RAP1GDS1: variants seen among roughly 807,000 people sequenced by gnomAD.
RAP1GDS1 encodes RAP1, GTP-GDP dissociation stimulator 1.
Under a neutral mutation model 71.1 loss-of-function variants are expected in RAP1GDS1, and 35 were observed. That is an observed-to-expected ratio of 0.49 (90% CI 0.38 to 0.65). The LOEUF (loss-of-function observed/expected upper bound fraction) is 0.65, where lower values mean the gene tolerates loss of function less well. RAP1GDS1 is among the 30% of genes least tolerant of loss of function. RAP1GDS1 has a pLI of 0.00. For missense variants in RAP1GDS1, 663 were observed against 706.1 expected (o/e 0.94, Z 0.69); for synonymous variants, 229 against 243.1 (o/e 0.94, Z 0.54).
In RAP1GDS1 at chr4:98,421,193, C is replaced by T. The variant is rs142984789; in HGVS notation, c.1301-62C>T. ...CGTCCTTCACACTCTCAAATCTGTA[C>T]GAATTATTTCAACTGATTGTCTGTT... On this transcript the variant is annotated intron_variant, in intron 11 of 14. Transcript: ENST00000408927. 6.8e-6 allele frequency: 10 copies of T among 1,460,826 alleles called. No individual in the cohort carries two copies. In the East Asian group the frequency reaches 9.3e-5, roughly 14 times the overall value. The allele number at this position is 1,460,826 out of a possible 1,614,324, so 90.5% of individuals were successfully genotyped here.
intron 1 of RAP1GDS1, among the ~76,000 whole-genome samples, chr4:98,269,480 C>A (rs987865375): frequency 5.9e-5 from 9 of 151,966 alleles, no homozygotes; most frequent in African/African-American, 2.2e-4. Flanking sequence ...AATGGGACTT[C>A]ATCAAATTAA....
chr4:98,434,459 A>G (rs1750875179), intron 13 of RAP1GDS1, among the ~76,000 whole-genome samples: 1 of 151,730 alleles, frequency 6.6e-6, no homozygotes. Context: ...TCTACTACCG[A>G]TTCTTTCTTG....
chr4:98,371,248 G>A (rs1323309509), intron 4 of RAP1GDS1, among the ~76,000 whole-genome samples: 1 of 151,666 alleles, frequency 6.6e-6, no homozygotes, highest in African/African-American at 2.4e-5. Context: ...GAGTAGCTAG[G>A]ATTACAGGCG....
At chr4:98,273,853 C>A (rs952218200) in intron 1 of RAP1GDS1, among the ~76,000 whole-genome samples, 3 of 152,088 alleles carry the variant, frequency 2.0e-5, no homozygotes, top group African/African-American at 7.2e-5. Flanking sequence ...TAACCACTTC[C>A]AATTTAAGGT....
chr4:98,329,809 A>AT (rs1049691160), intron 2 of RAP1GDS1, among the ~76,000 whole-genome samples: 34 of 150,484 alleles, frequency 2.3e-4, no homozygotes, highest in South Asian at 1.5e-3. Flanking sequence ...AAAAAAAAAA[A>AT]AAGTGCCCAT....
chr4:98,440,748 G>A (rs1475682953), intron 14 of RAP1GDS1, among the ~76,000 whole-genome samples: 5 of 152,026 alleles, frequency 3.3e-5, no homozygotes, highest in Non-Finnish European at 5.9e-5. Flanking sequence ...ACGGAGTTTC[G>A]CACTTGTTGC....
chr4:98,346,475 T>C (rs1423000085), intron 3 of RAP1GDS1, among the ~76,000 whole-genome samples: 1 of 152,130 alleles, frequency 6.6e-6, no homozygotes, highest in Non-Finnish European at 1.5e-5. Context: ...AAAAATGCAC[T>C]ATATTGTCAG....
At chr4:98,278,627 T>C (rs2110245900) in intron 1 of RAP1GDS1, among the ~76,000 whole-genome samples, 1 of 152,298 alleles carries the variant, frequency 6.6e-6, no homozygotes, top group African/African-American at 2.4e-5. Flanking sequence ...GTGTATAGCC[T>C]TCAGCAAGTT....
At chr4:98,308,765 A>C (rs573572224) in intron 2 of RAP1GDS1, among the ~76,000 whole-genome samples, 1 of 152,276 alleles carries the variant, frequency 6.6e-6, no homozygotes, top group South Asian at 2.1e-4. Flanking sequence ...AATGAGAATT[A>C]GTATGTAAAG....
At chr4:98,286,682 C>T (rs1726077082) in intron 1 of RAP1GDS1, among the ~76,000 whole-genome samples, 1 of 151,782 alleles carries the variant, frequency 6.6e-6, no homozygotes, top group African/African-American at 2.4e-5. Flanking sequence ...GTCAGGAGTT[C>T]AAGACCAGCC....
intron 12 of RAP1GDS1, among the ~76,000 whole-genome samples, chr4:98,422,449 C>T (rs964302938): frequency 6.6e-6 from 1 of 152,048 alleles, no homozygotes; most frequent in African/African-American, 2.4e-5. Context: ...AACTCCTGAC[C>T]TCATGATCCT....
intron 2 of RAP1GDS1, among the ~76,000 whole-genome samples, chr4:98,324,105 A>G (rs1372133217): frequency 6.6e-6 from 1 of 150,634 alleles, no homozygotes; most frequent in African/African-American, 2.5e-5. Flanking sequence ...CAAAAATCAC[A>G]AGCATTCTTA....
At chr4:98,367,515 T>C (rs1739679524) in intron 4 of RAP1GDS1, among the ~76,000 whole-genome samples, 1 of 152,102 alleles carries the variant, frequency 6.6e-6, no homozygotes, top group Non-Finnish European at 1.5e-5. Flanking sequence ...GGACGGTAGA[T>C]CCATCAACAG....
intron 2 of RAP1GDS1, among the ~76,000 whole-genome samples, chr4:98,339,178 A>G (rs187592464): frequency 4.7e-4 from 71 of 152,254 alleles, no homozygotes; most frequent in African/African-American, 1.3e-3. Flanking sequence ...TGGCAGTGTC[A>G]TAACTAAGCT....
At chr4:98,370,715 C>T (rs375084603) in intron 4 of RAP1GDS1, among the ~76,000 whole-genome samples, 2 of 151,958 alleles carry the variant, frequency 1.3e-5, no homozygotes, top group African/African-American at 4.8e-5. Context: ...GGACTACAGG[C>T]GCGTGCCAAC....
At chr4:98,374,880 T>C (rs1471516767) in intron 4 of RAP1GDS1, among the ~76,000 whole-genome samples, 1 of 152,152 alleles carries the variant, frequency 6.6e-6, no homozygotes, top group Non-Finnish European at 1.5e-5. Context: ...AGTGGTAAAT[T>C]GTTGTTAACA....
chr4:98,350,731 G>A (rs965506536), intron 3 of RAP1GDS1, among the ~76,000 whole-genome samples: 9 of 152,068 alleles, frequency 5.9e-5, no homozygotes, highest in African/African-American at 1.9e-4. Context: ...CCAGCTACTC[G>A]GGAGGCTGAG....
At position 98,293,467 on chromosome 4, in the gene RAP1GDS1, A is replaced by G; in HGVS notation, c.64A>G (p.Ser22Gly). Reference sequence around the variant, plus strand: ...AACAGCTGTTGACAAGACTGAGGATAGTTTAGAAGGATGCTTGGATTGTCT... The same window carrying G: ...AACAGCTGTTGACAAGACTGAGGATGGTTTAGAAGGATGCTTGGATTGTCT... ...KITAVDKTED[S>G]LEGCLDCLLQ... Residue 22 changes from serine to glycine, a missense_variant, in exon 2 of 15, where the codon AGT (serine) becomes GGT (glycine). Physicochemically the swap from Ser to Gly is moderately conservative, Grantham distance 56. Coordinates refer to ENST00000408927, the MANE Select transcript of RAP1GDS1 (RefSeq NM_001100427.2). The G allele has an allele frequency of 6.2e-7, 1 of 1,610,576 alleles. No individual in the cohort carries two copies. Among genetic ancestry groups the G allele is most frequent in the Non-Finnish European group, 8.5e-7 (1 of 1,178,798 alleles).
intron 4 of RAP1GDS1, among the ~76,000 whole-genome samples, chr4:98,365,906 A>G (rs1199768933): frequency 2.0e-5 from 3 of 152,206 alleles, no homozygotes; most frequent in Non-Finnish European, 1.5e-5. Context: ...TATCATGTCC[A>G]TGAGCAGCCA....
Sources: gnomAD v4.1 joint callset for allele counts (sites outside exome capture counted in the v4.1 genomes callset) on GRCh38, gnomAD v4.1.1 for gene constraint, MANE v1.5 for transcripts, NCBI Gene and HGNC (gene_info 2026-07-23, HGNC 2026-07-21) for gene names.